Variants in SLIT3 observed in about 807,000 individuals in gnomAD.
The protein encoded by SLIT3 is slit homolog 3 protein.
A neutral mutation model predicts 184.0 loss-of-function variants in SLIT3; 68 were observed. The observed-to-expected ratio is 0.37, with a 90% CI of 0.30 to 0.45. The LOEUF is 0.45. Among genes scored for constraint, SLIT3 ranks in the 20% least tolerant of loss-of-function variants. SLIT3 has a pLI of 1.00. For missense variants in SLIT3, 1,707 were observed against 2,026.0 expected (o/e 0.84, Z 3.02); for synonymous variants, 831 against 828.6 (o/e 1.00, Z -0.05).
At chr5:169,259,937 G>A (rs1319221266) in intron 1 of SLIT3, among the ~76,000 whole-genome samples, 1 of 152,120 alleles carries the variant, frequency 6.6e-6, no homozygotes, top group African/African-American at 2.4e-5. Context: ...AAGGGATGTG[G>A]TCTAAACACC....
At chr5:169,008,822 A>T (rs1756033034) in intron 4 of SLIT3, among the ~76,000 whole-genome samples, 1 of 152,180 alleles carries the variant, frequency 6.6e-6, no homozygotes, top group Non-Finnish European at 1.5e-5. Context: ...TTCTGAAAGC[A>T]ATAATAGCAA....
chr5:168,825,330 G>T (rs1478892174), intron 6 of SLIT3, among the ~76,000 whole-genome samples: 3 of 152,156 alleles, frequency 2.0e-5, no homozygotes, highest in African/African-American at 7.2e-5. Flanking sequence ...CCAGCCCCTT[G>T]TGAGCCCAGT....
At chr5:169,050,853 C>A (rs1456746194) in intron 4 of SLIT3, among the ~76,000 whole-genome samples, 1 of 152,208 alleles carries the variant, frequency 6.6e-6, no homozygotes. Context: ...GTACCTGGCA[C>A]ACAATAGGCA....
intron 1 of SLIT3, among the ~76,000 whole-genome samples, chr5:169,264,022 T>A (rs1439768849): frequency 6.6e-6 from 1 of 151,568 alleles, no homozygotes; most frequent in African/African-American, 2.4e-5. Context: ...ATCAATGTTT[T>A]CTGGAGTAAA....
In SLIT3 at chr5:168,671,494, G is replaced by C; in HGVS notation, c.3842-11C>G. On this transcript the variant is annotated splice_polypyrimidine_tract_variant and intron_variant, in intron 33 of 35. Coordinates refer to ENST00000519560, the MANE Select transcript of SLIT3 (RefSeq NM_003062.4). ...TGGAGGTGGGGATGCCTGTGGGAGGGGAGCCAGGACAGTGGCCTGAAGACC... is the reference window on the plus strand; with the variant it reads ...TGGAGGTGGGGATGCCTGTGGGAGGCGAGCCAGGACAGTGGCCTGAAGACC... 1 of 1,607,054 alleles carries C rather than the reference G, an allele frequency of 6.2e-7. No individual in the cohort carries two copies. Among genetic ancestry groups the C allele is most frequent in the East Asian group, 2.2e-5 (1 of 44,612 alleles).
intron 1 of SLIT3, among the ~76,000 whole-genome samples, chr5:169,298,511 C>T (rs576778768): frequency 3.0e-4 from 45 of 152,226 alleles, no homozygotes; most frequent in African/African-American, 1.0e-3. Context: ...TTTGAAGATG[C>T]GGAAGATGTA....
chr5:169,216,391 A>G (rs758477972), intron 3 of SLIT3, among the ~76,000 whole-genome samples: 7 of 152,170 alleles, frequency 4.6e-5, no homozygotes, highest in African/African-American at 9.7e-5. Flanking sequence ...TCTGGCCTCC[A>G]AGGAAGTTCT....
intron 4 of SLIT3, chr5:169,023,509 C>T (rs1483539995): frequency 6.6e-6 from 1 of 152,194 alleles, no homozygotes; most frequent in Non-Finnish European, 1.5e-5. Context: ...GTAAACTCTC[C>T]CCAGACTTCT....
intron 4 of SLIT3, among the ~76,000 whole-genome samples, chr5:169,155,129 C>T (rs965826671): frequency 2.6e-5 from 4 of 152,148 alleles, no homozygotes; most frequent in East Asian, 1.9e-4. Flanking sequence ...GGTAACCTAG[C>T]GTCAGCAGCT....
intron 3 of SLIT3, among the ~76,000 whole-genome samples, chr5:169,230,860 C>G (rs932434016): frequency 6.6e-6 from 1 of 151,976 alleles, no homozygotes; most frequent in African/African-American, 2.4e-5. Context: ...AAATATGCAT[C>G]TTAAAAAGTT....
intron 4 of SLIT3, among the ~76,000 whole-genome samples, chr5:168,902,923 G>C (rs981084287): frequency 6.6e-6 from 1 of 152,186 alleles, no homozygotes; most frequent in Non-Finnish European, 1.5e-5. Context: ...AATAGCGGCT[G>C]ATTAGGAGGA....
At chr5:168,890,741 C>T (rs1486634503) in intron 4 of SLIT3, among the ~76,000 whole-genome samples, 3 of 152,028 alleles carry the variant, frequency 2.0e-5, no homozygotes, top group Admixed American at 6.6e-5. Flanking sequence ...TGGAGCTTGG[C>T]GATAAGTACA....
At chr5:168,850,532 A>G (rs1758631255) in intron 5 of SLIT3, among the ~76,000 whole-genome samples, 1 of 152,256 alleles carries the variant, frequency 6.6e-6, no homozygotes, top group Non-Finnish European at 1.5e-5. Flanking sequence ...ATAGCCAGTT[A>G]CATTTACAGA....
chr5:169,057,728 T>C (rs991327586), intron 4 of SLIT3, among the ~76,000 whole-genome samples: 1 of 152,082 alleles, frequency 6.6e-6, no homozygotes, highest in East Asian at 1.9e-4. Context: ...CCCTCAGCCA[T>C]AGACTGGGGT....
rs760095266 is a variant in SLIT3 at position 168,772,789 on chromosome 5, C to T, written c.1451G>A (p.Arg484His). The change falls in exon 14 of 36, where the codon CGC (arginine) becomes CAC (histidine). Residue 484 changes from arginine to histidine, a missense_variant. Around this residue, in one of 3 missense-constraint regions of SLIT3, gnomAD observed 1,307 missense variants for 1,511.6 expected, o/e 0.86. Coordinates refer to ENST00000519560, the MANE Select transcript of SLIT3 (RefSeq NM_003062.4). ...CCCCGTAACCTGATTACCTGAGCAG[C>T]GGAACTTCTTGCTCTTGATCTGGCT... ...RISQIKSKKF[R>H]CSGSEDYRSR... is the part of the protein sequence containing the mutation. 11 of 1,614,050 alleles carry T rather than the reference C, an allele frequency of 6.8e-6. No individual in the cohort carries two copies. Among genetic ancestry groups the T allele is most frequent in the Admixed American group, 3.3e-5 (2 of 60,002 alleles).
intron 4 of SLIT3, among the ~76,000 whole-genome samples, chr5:168,933,111 G>A (rs941767628): frequency 6.6e-6 from 1 of 152,174 alleles, no homozygotes; most frequent in African/African-American, 2.4e-5. Flanking sequence ...AAGATGCAAG[G>A]CAGAGATGTG....
chr5:169,177,233 A>T (rs564458493), intron 4 of SLIT3, among the ~76,000 whole-genome samples: 12 of 152,312 alleles, frequency 7.9e-5, no homozygotes, highest in Admixed American at 7.2e-4. Flanking sequence ...GCCAGAAGTA[A>T]TTTACAACAG....
At chr5:168,935,510 A>G (rs1762132365) in intron 4 of SLIT3, among the ~76,000 whole-genome samples, 1 of 152,188 alleles carries the variant, frequency 6.6e-6, no homozygotes. Flanking sequence ...CAGTGTGTTC[A>G]TTCATTCCGT....
Position 169,015,975 on chromosome 5 carries a change from CACACACACACAA to C in SLIT3, c.414-132651_414-132640del, listed in dbSNP as rs878987100. Among the ~76,000 whole-genome samples, 854 of 121,148 alleles carry C rather than the reference CACACACACACAA, an allele frequency of 7.0e-3. 12 individuals are homozygous for C. The highest frequency in any genetic ancestry group is 0.017 in the South Asian group (69 of 4,174). The allele number at this position is 121,148 out of a possible 152,430, so 79.5% of individuals were successfully genotyped here. A position where few individuals can be genotyped will look rare whatever the true frequency, so the allele number is the denominator to read the frequency against. ...ACACACACACACACACACACACACA[CACACACACACAA>C]CTTTCTGTCTGCCCCCTTGCTCTTC... is the stretch of plus-strand genomic sequence containing the variant. On this transcript the variant is annotated intron_variant, in intron 4 of 35. Transcript: ENST00000519560.
Sources: allele counts gnomAD v4.1 joint callset (sites outside exome capture counted in the v4.1 genomes callset), GRCh38; gene constraint gnomAD v4.1.1; regional missense constraint gnomAD v4.1.1; transcripts MANE v1.5; gene names NCBI Gene and HGNC (gene_info 2026-07-23, HGNC 2026-07-21).